EIF3CL: variants seen among roughly 807,000 people sequenced by gnomAD.
EIF3CL encodes eukaryotic translation initiation factor 3 subunit C like.
For synonymous variants in EIF3CL, 2 were observed against 19.6 expected (o/e 0.10, Z 2.37); for missense variants, 5 against 56.1 (o/e 0.09, Z 2.91).
intron 2 of EIF3CL, among the ~76,000 whole-genome samples, chr16:28,403,056 G>A (rs947771209): frequency 2.8e-5 from 4 of 143,332 alleles, no homozygotes; most frequent in Non-Finnish European, 6.2e-5. Flanking sequence ...AATGGCGGAT[G>A]GGTATTTACG....
chr16:28,408,204 C>A (rs1197190111), upstream of EIF3CL, among the ~76,000 whole-genome samples: 18 of 47,870 alleles, frequency 3.8e-4, no homozygotes, highest in South Asian at 2.3e-3. Context: ...ACCTTGTCGC[C>A]AAAAAAAAAA....
At chr16:28,414,435 G>T in the EIF3CL span, 1 of 319,738 alleles carries the variant, frequency 3.1e-6, no homozygotes, top group South Asian at 2.4e-5. Context: ...GGAGCATGGT[G>T]AACACCAAGC....
the EIF3CL span, among the ~76,000 whole-genome samples, chr16:28,416,819 G>T: frequency 1.4e-5 from 1 of 71,908 alleles, no homozygotes; most frequent in African/African-American, 5.0e-5. Context: ...GCCTCTGCCC[G>T]GCCGCCCCTA....
chr16:28,416,778 G>C, the EIF3CL span, among the ~76,000 whole-genome samples: 1 of 100,820 alleles, frequency 9.9e-6, no homozygotes, highest in Non-Finnish European at 2.1e-5. Flanking sequence ...CCCCCCACCC[G>C]GCCAGCCGCC....
the EIF3CL span, among the ~76,000 whole-genome samples, chr16:28,419,003 C>CT: frequency 1.4e-5 from 2 of 146,602 alleles, no homozygotes; most frequent in South Asian, 4.3e-4. Flanking sequence ...GGTTAACTGT[C>CT]TTTTTAAAAT....
chr16:28,384,156 T>G lies in EIF3CL; in HGVS notation c.1822-675A>C, dbSNP rs372566820. ...AGCACCAGCCATTTATGAGTTTTTT[T>G]TTTTTTTTTTTTTTGGAGACGGAGT... is the stretch of plus-strand genomic sequence containing the variant. On this transcript the variant is annotated intron_variant, in intron 15 of 20. Transcript: ENST00000380876. 3.4e-4 allele frequency among the ~76,000 whole-genome samples: 20 copies of G among 58,934 alleles called. 2 individuals are homozygous for G. Among genetic ancestry groups the G allele is most frequent in the East Asian group, 8.7e-4 (1 of 1,144 alleles). The allele number at this position is 58,934 out of a possible 152,430, so 38.7% of individuals were successfully genotyped here. A position where few individuals can be genotyped will look rare whatever the true frequency, so the allele number is the denominator to read the frequency against.
At chr16:28,418,650 GAC>G in the EIF3CL span, among the ~76,000 whole-genome samples, 2 of 85,162 alleles carry the variant, frequency 2.3e-5, no homozygotes, top group African/African-American at 3.5e-5. Flanking sequence ...TTTTTTTTTT[GAC>G]ACAGTTTCGC....
At chr16:28,424,100 G>T in the EIF3CL span, among the ~76,000 whole-genome samples, 7 of 147,560 alleles carry the variant, frequency 4.7e-5, no homozygotes, top group African/African-American at 1.7e-4. Context: ...CCATTCTCCT[G>T]CCTCAGCCTC....
chr16:28,384,176 C>T (rs1332524974), intron 15 of EIF3CL, among the ~76,000 whole-genome samples: 3 of 45,810 alleles, frequency 6.5e-5, no homozygotes, highest in Admixed American at 3.2e-4. Context: ...TTTTTGGAGA[C>T]GGAGTCTCAC....
upstream of EIF3CL, among the ~76,000 whole-genome samples, chr16:28,408,118 C>T (rs762459180): frequency 1.8e-3 from 39 of 21,986 alleles, no homozygotes; most frequent in African/African-American, 4.5e-3. Context: ...GCAGGGGAAT[C>T]GCTTGAACCC....
the EIF3CL span, among the ~76,000 whole-genome samples, chr16:28,417,192 G>T: frequency 6.8e-6 from 1 of 146,728 alleles, no homozygotes; most frequent in Non-Finnish European, 1.5e-5. Context: ...GAGGGAGGTG[G>T]GGGGGGTCAG....
chr16:28,416,778 G>A, the EIF3CL span, among the ~76,000 whole-genome samples: 18 of 100,776 alleles, frequency 1.8e-4, no homozygotes, highest in African/African-American at 5.1e-4. Flanking sequence ...CCCCCCACCC[G>A]GCCAGCCGCC....
the EIF3CL span, among the ~76,000 whole-genome samples, chr16:28,423,988 A>ATTTT: frequency 8.8e-5 from 4 of 45,258 alleles, no homozygotes; most frequent in Admixed American, 2.9e-4. Context: ...CACCTGGCTA[A>ATTTT]TTTTTTTTTT....
the EIF3CL span, among the ~76,000 whole-genome samples, chr16:28,417,274 T>A: frequency 1.6e-3 from 233 of 148,704 alleles, 3 homozygotes; most frequent in East Asian, 0.039. Context: ...TACTGGGAAG[T>A]GAGGAGCCCC....
the EIF3CL span, among the ~76,000 whole-genome samples, chr16:28,415,786 T>G: frequency 1.5e-3 from 200 of 131,722 alleles, 25 homozygotes; most frequent in East Asian, 0.045. Context: ...ATTTCCTATT[T>G]TCATGCCCTC....
At chr16:28,419,116 C>G in the EIF3CL span, among the ~76,000 whole-genome samples, 2 of 146,292 alleles carry the variant, frequency 1.4e-5, no homozygotes, top group Admixed American at 6.9e-5. Context: ...ACGCCATTCT[C>G]CTGCCTCAGC....
chr16:28,413,027 AG>A, the EIF3CL span, among the ~76,000 whole-genome samples: 3 of 121,364 alleles, frequency 2.5e-5, no homozygotes, highest in African/African-American at 9.2e-5. Flanking sequence ...TTACCTTCCA[AG>A]GGCCTCACCT....
the EIF3CL span, among the ~76,000 whole-genome samples, chr16:28,416,575 G>A: frequency 3.5e-5 from 1 of 28,770 alleles, no homozygotes; most frequent in Non-Finnish European, 7.0e-5. Flanking sequence ...CTGCCCGGCC[G>A]CCCCGTCTGA....
At chr16:28,408,203 CCAAAA>C (rs1253797599), upstream of EIF3CL, among the ~76,000 whole-genome samples, 2 of 8,730 alleles carry the variant, frequency 2.3e-4, no homozygotes. Flanking sequence ...GACCTTGTCG[CCAAAA>C]AAAAAAAAAA....
Sources: allele counts gnomAD v4.1 joint callset (sites outside exome capture counted in the v4.1 genomes callset), GRCh38; gene constraint gnomAD v4.1.1; transcripts MANE v1.5; gene names NCBI Gene and HGNC (gene_info 2026-07-23, HGNC 2026-07-21).